The following CUL5 variants were observed in gnomAD, a reference collection of about 807,000 sequenced individuals.
CUL5 encodes cullin 5.
A neutral mutation model predicts 108.8 loss-of-function variants in CUL5; 26 were observed. The ratio of observed to expected loss-of-function variants is 0.24; its 90% CI spans 0.18 to 0.33. The LOEUF is 0.33. CUL5 is among the 10% of genes least tolerant of loss of function. The pLI, the probability that CUL5 is intolerant of heterozygous loss-of-function variation, is 1.00. For missense variants in CUL5, 524 were observed against 909.2 expected, an observed-to-expected ratio of 0.58 and a Z score of 5.45; for synonymous variants, 334 against 298.0, an observed-to-expected ratio of 1.12 and a Z score of -1.25.
chr11:108,053,027 A>G (rs1023615802), intron 5 of CUL5, among the ~76,000 whole-genome samples: 2 of 152,192 alleles, frequency 1.3e-5, no homozygotes, highest in African/African-American at 2.4e-5. Flanking sequence ...TTTCTTGGCA[A>G]GTCGTTTTAG....
intron 7 of CUL5, among the ~76,000 whole-genome samples, chr11:108,062,360 C>T (rs4503496): frequency 0.58 from 87,398 of 151,796 alleles, 27,184 homozygotes; most frequent in East Asian, 0.9. Flanking sequence ...ACCAAACTGA[C>T]TTTCAGGAAT....
intron 18 of CUL5, among the ~76,000 whole-genome samples, chr11:108,102,532 T>C (rs913593244): frequency 1.3e-5 from 2 of 152,068 alleles, no homozygotes; most frequent in Non-Finnish European, 2.9e-5. Context: ...GGTTTCGCCA[T>C]GTTGCCTAGG....
At chr11:108,034,651 G>T (rs969899859) in intron 2 of CUL5, among the ~76,000 whole-genome samples, 2 of 152,156 alleles carry the variant, frequency 1.3e-5, no homozygotes, top group Non-Finnish European at 2.9e-5. Context: ...AAGGGGGAAA[G>T]CTTTCAGGAC....
chr11:108,077,889 C>G (rs894374736), intron 10 of CUL5, among the ~76,000 whole-genome samples: 2 of 151,988 alleles, frequency 1.3e-5, no homozygotes, highest in African/African-American at 4.8e-5. Flanking sequence ...GCGGAGGTTG[C>G]AGTGAGTGGA....
chr11:108,009,439 C>G, intron 1 of CUL5, 67 bp downstream of exon 1: 1 of 1,553,016 alleles, frequency 6.4e-7, no homozygotes, highest in South Asian at 1.1e-5. Flanking sequence ...GGGAAAGGCA[C>G]GGCTCAGGTT....
intron 1 of CUL5, among the ~76,000 whole-genome samples, chr11:108,022,642 G>A (rs537810312): frequency 2.0e-5 from 3 of 152,148 alleles, no homozygotes; most frequent in East Asian, 3.9e-4. Flanking sequence ...GGACCCAAAC[G>A]CATTTTTAAA....
Position 108,105,626 on chromosome 11 carries a change from G to A in CUL5, c.*1242G>A, listed in dbSNP as rs894242826. On this transcript the variant is annotated 3_prime_UTR_variant, in exon 19 of 19. Coordinates refer to ENST00000393094, the MANE Select transcript of CUL5 (RefSeq NM_003478.6). Reference sequence around the variant, plus strand: ...ATCCAAAGTAGCAACTTAACTAGTTGCTGGCAACTGAATACCCAGAGTAGT... The same window carrying A: ...ATCCAAAGTAGCAACTTAACTAGTTACTGGCAACTGAATACCCAGAGTAGT... 12 of 152,098 alleles carry A rather than the reference G, an allele frequency of 7.9e-5. No homozygotes were observed. Among genetic ancestry groups the A allele is most frequent in the Non-Finnish European group, 1.6e-4 (11 of 67,986 alleles). The allele number at this position is 152,098 out of a possible 1,614,324, so 9.4% of individuals were successfully genotyped here.
At chr11:108,102,425 C>T (rs1275644382) in intron 18 of CUL5, among the ~76,000 whole-genome samples, 1 of 152,180 alleles carries the variant, frequency 6.6e-6, no homozygotes, top group East Asian at 1.9e-4. Flanking sequence ...CTTTCAGGCT[C>T]AAGTGATCCT....
intron 4 of CUL5, among the ~76,000 whole-genome samples, chr11:108,051,666 C>G (rs1171687907): frequency 6.6e-6 from 1 of 152,162 alleles, no homozygotes; most frequent in Admixed American, 6.5e-5. Flanking sequence ...AATGGAACAT[C>G]TAAACAGTAG....
intron 10 of CUL5, among the ~76,000 whole-genome samples, chr11:108,076,874 G>A (rs2135196589): frequency 6.6e-6 from 1 of 152,354 alleles, no homozygotes; most frequent in East Asian, 1.9e-4. Flanking sequence ...TATGTTCACT[G>A]CGATAGGGAA....
At chr11:108,057,262 G>A (rs1863405230) in intron 7 of CUL5, among the ~76,000 whole-genome samples, 1 of 152,006 alleles carries the variant, frequency 6.6e-6, no homozygotes, top group Admixed American at 6.6e-5. Context: ...TCCTGGGCTC[G>A]AGCAGTTCTC....
intron 1 of CUL5, among the ~76,000 whole-genome samples, chr11:108,018,121 G>A (rs1179601828): frequency 6.6e-6 from 1 of 152,148 alleles, no homozygotes; most frequent in African/African-American, 2.4e-5. Flanking sequence ...AATGGAGGAA[G>A]GGCATTTTTC....
At chr11:108,065,927 A>G (rs1442890497) in intron 7 of CUL5, among the ~76,000 whole-genome samples, 16 of 152,212 alleles carry the variant, frequency 1.1e-4, no homozygotes, top group Middle Eastern at 6.8e-3. Flanking sequence ...GGGTCTCACT[A>G]TGTTGTCCAG....
At chr11:108,020,243 A>C (rs1862295463) in intron 1 of CUL5, among the ~76,000 whole-genome samples, 2 of 152,226 alleles carry the variant, frequency 1.3e-5, no homozygotes, top group Non-Finnish European at 2.9e-5. Flanking sequence ...GTTAACTGTA[A>C]AATAGCCTCA....
intron 15 of CUL5, 34 bp from the exon 16 acceptor site, chr11:108,095,496 A>G: frequency 7.2e-7 from 1 of 1,381,276 alleles, no homozygotes; most frequent in Non-Finnish European, 1.0e-6. Flanking sequence ...TCATCATGAG[A>G]TTCTTTATTA....
chr11:108,039,497 A>G (rs1862837047), intron 2 of CUL5, among the ~76,000 whole-genome samples: 1 of 152,132 alleles, frequency 6.6e-6, no homozygotes, highest in African/African-American at 2.4e-5. Flanking sequence ...TCCATTTACA[A>G]TTTTACCCAT....
At chr11:108,080,638 C>T (rs1486506400) in intron 11 of CUL5, among the ~76,000 whole-genome samples, 1 of 152,104 alleles carries the variant, frequency 6.6e-6, no homozygotes, top group Non-Finnish European at 1.5e-5. Context: ...TCGTGATTTG[C>T]CCGCCTCGGC....
At chr11:108,049,321 GT>G (rs1863152369) in intron 3 of CUL5, among the ~76,000 whole-genome samples, 1 of 151,146 alleles carries the variant, frequency 6.6e-6, no homozygotes, top group Non-Finnish European at 1.5e-5. Flanking sequence ...ATATTGTGGG[GT>G]TTTTTGGTTT....
chr11:108,063,648 A>G (rs1863602141), intron 7 of CUL5, among the ~76,000 whole-genome samples: 1 of 18,626 alleles, frequency 5.4e-5, no homozygotes, highest in South Asian at 9.6e-3. Flanking sequence ...AATAAAATTA[A>G]TAAAATTTAA....
Sources: allele counts gnomAD v4.1 joint callset (sites outside exome capture counted in the v4.1 genomes callset), GRCh38; gene constraint gnomAD v4.1.1; transcripts MANE v1.5; gene names NCBI Gene and HGNC (gene_info 2026-07-23, HGNC 2026-07-21).